Variants in WBP1L observed in about 807,000 individuals in gnomAD.
WBP1L encodes the protein WW domain binding protein 1-like.
A neutral mutation model predicts 33.7 loss-of-function variants in WBP1L; 17 were observed. The ratio of observed to expected loss-of-function variants is 0.50; its 90% CI spans 0.34 to 0.76. The LOEUF (loss-of-function observed/expected upper bound fraction) is 0.76. Ranked by LOEUF, WBP1L falls within the 30% of genes least tolerant of loss-of-function variation. WBP1L has a pLI of 0.01. For synonymous variants in WBP1L, 173 were observed against 190.8 expected, an observed-to-expected ratio of 0.91 and a Z score of 0.77; for missense variants, 389 against 469.4, an observed-to-expected ratio of 0.83 and a Z score of 1.58.
At chr10:102,789,345 C>T (rs1843463555) in intron 1 of WBP1L, among the ~76,000 whole-genome samples, 1 of 152,196 alleles carries the variant, frequency 6.6e-6, no homozygotes, top group South Asian at 2.1e-4. Flanking sequence ...ACTGCTTTCC[C>T]TGAGATCACT....
chr10:102,783,770 G>A lies in WBP1L; in HGVS notation c.91-14223G>A, dbSNP rs763122833. On this transcript the variant is annotated intron_variant, in intron 1 of 3. Coordinates refer to ENST00000448841, the MANE Select transcript of WBP1L (RefSeq NM_001083913.2). ...ATCCTACAATGTACAGTTCAGTCCCGTATGACAAATAATTACCTGACTCCA... is the reference window on the plus strand; with the variant it reads ...ATCCTACAATGTACAGTTCAGTCCCATATGACAAATAATTACCTGACTCCA... Among the ~76,000 whole-genome samples, 24 of 152,274 alleles carry A rather than the reference G, an allele frequency of 1.6e-4. 1 individual carries two copies. Among genetic ancestry groups the A allele is most frequent in the Admixed American group, 2.6e-4 (4 of 15,296 alleles).
At chr10:102,776,035 C>T (rs959558664) in intron 1 of WBP1L, 16 of 947,734 alleles carry the variant, frequency 1.7e-5, no homozygotes, top group African/African-American at 5.3e-5. Context: ...GGCTGGGCAT[C>T]GCGGGTCTGC....
intron 1 of WBP1L, among the ~76,000 whole-genome samples, chr10:102,753,414 A>G (rs1842943197): frequency 6.6e-6 from 1 of 152,206 alleles, no homozygotes; most frequent in African/African-American, 2.4e-5. Context: ...AATCCAGAAC[A>G]TTGCAACCTG....
chr10:102,794,404 G>A (rs961719898), intron 1 of WBP1L, among the ~76,000 whole-genome samples: 9 of 152,138 alleles, frequency 5.9e-5, no homozygotes, highest in South Asian at 2.1e-4. Flanking sequence ...ATTTGAACCC[G>A]GGAGGTGGAG....
intron 1 of WBP1L, among the ~76,000 whole-genome samples, chr10:102,779,816 TC>T (rs1843314691): frequency 1.3e-5 from 2 of 152,336 alleles, no homozygotes; most frequent in Admixed American, 6.5e-5. Flanking sequence ...GGGGCAGGTA[TC>T]TGAATCAGGC....
intron 1 of WBP1L, among the ~76,000 whole-genome samples, chr10:102,796,606 G>C (rs1256308250): frequency 6.6e-6 from 1 of 152,214 alleles, no homozygotes; most frequent in African/African-American, 2.4e-5. Flanking sequence ...GCCAGCCTGA[G>C]TTGCCGCAAA....
At chr10:102,764,484 C>T (rs905185265) in intron 1 of WBP1L, among the ~76,000 whole-genome samples, 1 of 152,154 alleles carries the variant, frequency 6.6e-6, no homozygotes, top group African/African-American at 2.4e-5. Flanking sequence ...TCCTGTGTCA[C>T]CTCACTCTCT....
intron 1 of WBP1L, among the ~76,000 whole-genome samples, chr10:102,752,399 A>C (rs1333415891): frequency 6.6e-6 from 1 of 152,154 alleles, no homozygotes; most frequent in African/African-American, 2.4e-5. Context: ...TGAAGCTTTG[A>C]TATGCCGAAT....
At chr10:102,787,173 C>A (rs1188182226) in intron 1 of WBP1L, among the ~76,000 whole-genome samples, 1 of 152,158 alleles carries the variant, frequency 6.6e-6, no homozygotes, top group African/African-American at 2.4e-5. Flanking sequence ...AGTGGCTTGC[C>A]CTTTATGGGG....
At chr10:102,808,679 G>A in intron 2 of WBP1L, among the ~76,000 whole-genome samples, 1 of 152,258 alleles carries the variant, frequency 6.6e-6, no homozygotes, top group East Asian at 1.9e-4. Context: ...CTAGGGAGGA[G>A]ATGGACCTGA....
chr10:102,771,962 A>ATTT (rs201457108), intron 1 of WBP1L, among the ~76,000 whole-genome samples: 1 of 145,876 alleles, frequency 6.9e-6, no homozygotes, highest in Non-Finnish European at 1.5e-5. Context: ...AATCTGCAAC[A>ATTT]TTTTTTTTTT....
In WBP1L at chr10:102,813,537, G is replaced by A; in HGVS notation, c.*206G>A. The stretch of plus-strand genomic sequence containing the variant: ...GCCTCTTCCTCCACAAGGGCACAGT[G>A]TTGTGGAGGGCTAAGTTGGTTCTGT... On this transcript the variant is annotated 3_prime_UTR_variant, in exon 4 of 4. Transcript: ENST00000448841. 1.5e-6 allele frequency: 1 copy of A among 664,540 alleles called. No homozygotes were observed. The highest frequency in any genetic ancestry group is 2.5e-6 in the Non-Finnish European group (1 of 400,614). 41.2% of individuals were successfully genotyped at this position (664,540 alleles called of 1,614,324 possible).
chr10:102,773,917 G>A (rs1843225184), intron 1 of WBP1L, among the ~76,000 whole-genome samples: 2 of 151,914 alleles, frequency 1.3e-5, no homozygotes, highest in Admixed American at 1.3e-4. Context: ...GCCCATTAGA[G>A]CAAGGTTTAT....
At chr10:102,808,189 G>T (rs1402878576) in intron 2 of WBP1L, among the ~76,000 whole-genome samples, 4 of 151,960 alleles carry the variant, frequency 2.6e-5, no homozygotes. Context: ...CAGAAAAAAA[G>T]AAAATTAATT....
chr10:102,811,991 C>T (rs1048684662), intron 3 of WBP1L, among the ~76,000 whole-genome samples: 9 of 152,150 alleles, frequency 5.9e-5, no homozygotes, highest in African/African-American at 1.2e-4. Context: ...ATGGCAGAGG[C>T]CCCTTACCCT....
chr10:102,753,040 A>T (rs79090078), intron 1 of WBP1L, among the ~76,000 whole-genome samples: 1,787 of 152,230 alleles, frequency 0.012, 9 homozygotes, highest in Non-Finnish European at 0.018. Context: ...AGCTATTAGG[A>T]CTAACACTTG....
chr10:102,760,218 T>C (rs1048562884), intron 1 of WBP1L, among the ~76,000 whole-genome samples: 3 of 152,200 alleles, frequency 2.0e-5, no homozygotes, highest in Admixed American at 1.3e-4. Context: ...GCCAGAGCTC[T>C]TCCCAGTGAG....
chr10:102,791,388 G>A (rs370682425), intron 1 of WBP1L, among the ~76,000 whole-genome samples: 2 of 151,668 alleles, frequency 1.3e-5, no homozygotes, highest in Admixed American at 6.6e-5. Flanking sequence ...CCCACCCCCC[G>A]AATCTCTTGC....
chr10:102,777,290 TC>T (rs2134042865), intron 1 of WBP1L, among the ~76,000 whole-genome samples: 1 of 152,220 alleles, frequency 6.6e-6, no homozygotes, highest in African/African-American at 2.4e-5. Flanking sequence ...TGCTGCCTGT[TC>T]CTGGGTGAGG....
Sources: gnomAD v4.1 joint callset for allele counts (sites outside exome capture counted in the v4.1 genomes callset) on GRCh38, gnomAD v4.1.1 for gene constraint, MANE v1.5 for transcripts, NCBI Gene and HGNC (gene_info 2026-07-23, HGNC 2026-07-21) for gene names.